The following EPB41L5 variants were observed in gnomAD, a reference collection of about 807,000 sequenced individuals.
EPB41L5 encodes band 4.1-like protein 5.
In EPB41L5, 55 loss-of-function variants were observed where a neutral mutation model predicts 106.6. The observed-to-expected ratio is 0.52, with a 90% CI of 0.42 to 0.65. EPB41L5 has a LOEUF of 0.65. EPB41L5 is among the 30% of genes least tolerant of loss of function. The probability of loss-of-function intolerance (pLI) is 0.00; values close to 1 mark genes in which losing one functional copy is unlikely to be tolerated. For synonymous variants in EPB41L5, 297 were observed against 306.7 expected, an observed-to-expected ratio of 0.97 and a Z score of 0.33; for missense variants, 871 against 882.1, an observed-to-expected ratio of 0.99 and a Z score of 0.16.
intron 4 of EPB41L5, 142 bp downstream of exon 4, chr2:120,073,362 C>A: frequency 5.6e-6 from 4 of 711,220 alleles, no homozygotes; most frequent in Non-Finnish European, 6.9e-6. Flanking sequence ...TATTCTGATA[C>A]ACTGAGCTAC....
intron 3 of EPB41L5, among the ~76,000 whole-genome samples, chr2:120,059,859 C>T (rs769084515): frequency 4.3e-4 from 66 of 152,184 alleles, no homozygotes; most frequent in African/African-American, 1.5e-3. Flanking sequence ...CAAACCTGGG[C>T]GACAGAGCGA....
At chr2:120,046,065 G>A (rs113978613) in intron 3 of EPB41L5, among the ~76,000 whole-genome samples, 25 of 152,044 alleles carry the variant, frequency 1.6e-4, no homozygotes, top group African/African-American at 4.6e-4. Flanking sequence ...CATTGATGGG[G>A]TTTGGGTTGG....
intron 11 of EPB41L5, among the ~76,000 whole-genome samples, chr2:120,088,323 T>G (rs764338007): frequency 6.6e-6 from 1 of 152,256 alleles, no homozygotes; most frequent in Middle Eastern, 3.4e-3. Flanking sequence ...CTTAGCAAAG[T>G]AATGCAAGAA....
At chr2:120,061,547 T>C (rs1681078559) in intron 3 of EPB41L5, among the ~76,000 whole-genome samples, 2 of 151,962 alleles carry the variant, frequency 1.3e-5, no homozygotes, top group Admixed American at 1.3e-4. Flanking sequence ...AGACAGGGTT[T>C]CACCACGTTG....
intron 16 of EPB41L5, among the ~76,000 whole-genome samples, chr2:120,118,110 A>G (rs540980232): frequency 3.0e-4 from 46 of 152,198 alleles, no homozygotes; most frequent in Non-Finnish European, 5.7e-4. Context: ...GAATTCAGCT[A>G]TCCTTGCCTC....
intron 21 of EPB41L5, among the ~76,000 whole-genome samples, chr2:120,164,063 A>G (rs1236459157): frequency 1.5e-5 from 2 of 129,452 alleles, no homozygotes; most frequent in Non-Finnish European, 3.1e-5. Context: ...GCTCACTGCA[A>G]CCTCCACCTC....
intron 18 of EPB41L5, among the ~76,000 whole-genome samples, chr2:120,140,607 G>A (rs1686131625): frequency 6.6e-6 from 1 of 151,980 alleles, no homozygotes; most frequent in South Asian, 2.1e-4. Flanking sequence ...TACTTTTTGA[G>A]CACTGATGTG....
chr2:120,079,152 A>G (rs1197932616), intron 10 of EPB41L5, among the ~76,000 whole-genome samples: 1 of 152,196 alleles, frequency 6.6e-6, no homozygotes, highest in East Asian at 1.9e-4. Context: ...AGATGTCTCT[A>G]TCAGAATAGT....
chr2:120,021,939 C>T (rs926006458), intron 2 of EPB41L5, among the ~76,000 whole-genome samples: 1 of 151,940 alleles, frequency 6.6e-6, no homozygotes, highest in Non-Finnish European at 1.5e-5. Context: ...ATAAGGGTCA[C>T]TAGTGATTAT....
At chr2:120,042,995 ATGTGTGTGTGTGTGTGTGTGTGTGTG>A (rs60253351) in intron 3 of EPB41L5, among the ~76,000 whole-genome samples, 3 of 70,124 alleles carry the variant, frequency 4.3e-5, no homozygotes, top group South Asian at 4.1e-4. Context: ...TTTTCTGGAA[ATGTGTGTGTGTGTGTGTGTGTGTGTG>A]TGTGTGTGTG....
At chr2:120,021,520 A>T (rs2105130587) in intron 2 of EPB41L5, among the ~76,000 whole-genome samples, 1 of 152,136 alleles carries the variant, frequency 6.6e-6, no homozygotes, top group African/African-American at 2.4e-5. Context: ...GGACGCCTGT[A>T]ATCCCAGCTA....
chr2:120,103,574 C>T (rs946151571), intron 16 of EPB41L5, among the ~76,000 whole-genome samples: 5 of 152,118 alleles, frequency 3.3e-5, no homozygotes, highest in Non-Finnish European at 7.4e-5. Flanking sequence ...AATTTTGTTT[C>T]CTGCATTTCA....
At position 120,115,801 on chromosome 2, in the gene EPB41L5, C is replaced by T. The variant is rs144090131; in HGVS notation, c.1338-11887C>T. 3.0e-3 allele frequency among the ~76,000 whole-genome samples: 452 copies of T among 151,754 alleles called. 8 individuals carry two copies. The highest frequency in any genetic ancestry group is 5.7e-4 in the Non-Finnish European group (39 of 67,944). The stretch of plus-strand genomic sequence containing the variant: ...TGATATGTTATGTTGTGTTATGTTA[C>T]GTTACGTTACGTTATGTTATTTTTC... On this transcript the variant is annotated intron_variant, in intron 16 of 24. Coordinates refer to ENST00000263713, the MANE Select transcript of EPB41L5 (RefSeq NM_020909.4).
At chr2:120,123,758 G>A (rs1343974705) in intron 16 of EPB41L5, among the ~76,000 whole-genome samples, 1 of 144,200 alleles carries the variant, frequency 6.9e-6, no homozygotes, top group Non-Finnish European at 1.5e-5. Context: ...CCCGAGTTCA[G>A]GTGATTCTCC....
chr2:120,131,130 C>T (rs1250532237), intron 17 of EPB41L5, among the ~76,000 whole-genome samples: 1 of 152,068 alleles, frequency 6.6e-6, no homozygotes, highest in Non-Finnish European at 1.5e-5. Flanking sequence ...CTGATGGTAC[C>T]AATATATAAT....
intron 3 of EPB41L5, among the ~76,000 whole-genome samples, chr2:120,049,998 G>C (rs1439855368): frequency 6.6e-6 from 1 of 152,134 alleles, no homozygotes; most frequent in Non-Finnish European, 1.5e-5. Context: ...GGCCCCCACT[G>C]TCTTCTGGCT....
intron 9 of EPB41L5, among the ~76,000 whole-genome samples, chr2:120,077,787 G>A (rs968147582): frequency 3.3e-5 from 5 of 152,042 alleles, no homozygotes; most frequent in African/African-American, 1.2e-4. Context: ...TTCCAGAAAG[G>A]CGGTTGTATT....
chr2:120,090,821 G>A (rs1001024347), intron 12 of EPB41L5, among the ~76,000 whole-genome samples: 1 of 152,084 alleles, frequency 6.6e-6, no homozygotes, highest in Non-Finnish European at 1.5e-5. Flanking sequence ...ACCCACCACT[G>A]GATACCATAT....
Position 120,175,005 on chromosome 2 carries a change from G to GT in EPB41L5, c.*99dup. 8.2e-7 allele frequency: 1 copy of GT among 1,223,358 alleles called. No individual in the cohort carries two copies. The highest frequency in any genetic ancestry group is 1.2e-5 in the South Asian group (1 of 82,594). 75.8% of individuals were successfully genotyped at this position (1,223,358 alleles called of 1,614,324 possible). A position where few individuals can be genotyped will look rare whatever the true frequency, so the allele number is the denominator to read the frequency against. On this transcript the variant is annotated 3_prime_UTR_variant, in exon 25 of 25. Coordinates refer to ENST00000263713, the MANE Select transcript of EPB41L5 (RefSeq NM_020909.4). Reference sequence around the variant, plus strand: ...TCAGGAGCTTGTCCATTATTTGTAGGTAAAAAAAGCTGCACGTAGATTTGA... The same window carrying GT: ...TCAGGAGCTTGTCCATTATTTGTAGGTTAAAAAAAGCTGCACGTAGATTTGA...
Sources: allele counts gnomAD v4.1 joint callset (sites outside exome capture counted in the v4.1 genomes callset), GRCh38; gene constraint gnomAD v4.1.1; transcripts MANE v1.5; gene names NCBI Gene and HGNC (gene_info 2026-07-23, HGNC 2026-07-21).